The following NCAM2 variants were observed in gnomAD, a reference collection of about 807,000 sequenced individuals.
The protein encoded by NCAM2 is N-CAM-2.
Under a neutral mutation model 98.1 loss-of-function variants are expected in NCAM2, and 30 were observed. The observed-to-expected ratio is 0.31, with a 90% CI of 0.23 to 0.41. NCAM2 has a LOEUF of 0.41. Among genes scored for constraint, NCAM2 ranks in the 10% least tolerant of loss-of-function variants. The pLI is 1.00. For missense variants in NCAM2, 867 were observed against 1,005.8 expected (o/e 0.86, Z 1.87); for synonymous variants, 368 against 342.4 (o/e 1.07, Z -0.83).
intron 3 of NCAM2, among the ~76,000 whole-genome samples, chr21:21,286,051 AC>A (rs1374694675): frequency 6.6e-6 from 1 of 151,884 alleles, no homozygotes; most frequent in Admixed American, 6.6e-5. Flanking sequence ...TTTATACAGA[AC>A]CTCATATGGC....
intron 9 of NCAM2, among the ~76,000 whole-genome samples, chr21:21,390,893 A>G (rs1039060051): frequency 6.6e-6 from 1 of 152,234 alleles, no homozygotes; most frequent in African/African-American, 2.4e-5. Context: ...TTGTGAAAAT[A>G]TGCACACCTA....
chr21:21,193,621 G>A (rs1197170629), intron 1 of NCAM2, among the ~76,000 whole-genome samples: 7 of 149,038 alleles, frequency 4.7e-5, no homozygotes, highest in Non-Finnish European at 7.4e-5. Flanking sequence ...TCAGCCTCCC[G>A]AGTAGCTGGG....
intron 1 of NCAM2, among the ~76,000 whole-genome samples, chr21:21,204,027 G>A (rs757916829): frequency 1.3e-5 from 2 of 152,074 alleles, no homozygotes; most frequent in Non-Finnish European, 2.9e-5. Context: ...AGTTAACACT[G>A]GAAGTTACTC....
At chr21:21,476,431 T>C (rs1340662188) in intron 14 of NCAM2, among the ~76,000 whole-genome samples, 1 of 152,022 alleles carries the variant, frequency 6.6e-6, no homozygotes, top group Non-Finnish European at 1.5e-5. Flanking sequence ...AAGCAGCTGC[T>C]ACCATCACTT....
At chr21:21,083,093 T>G (rs1377596240) in intron 1 of NCAM2, among the ~76,000 whole-genome samples, 1 of 152,180 alleles carries the variant, frequency 6.6e-6, no homozygotes, top group Non-Finnish European at 1.5e-5. Context: ...GTAAGGAAGC[T>G]CTATTATAAT....
intron 8 of NCAM2, among the ~76,000 whole-genome samples, chr21:21,364,996 T>C (rs2075749206): frequency 6.6e-6 from 1 of 152,056 alleles, no homozygotes; most frequent in South Asian, 2.1e-4. Context: ...CCATTATTGC[T>C]CAAGCCTACT....
intron 8 of NCAM2, among the ~76,000 whole-genome samples, chr21:21,350,109 G>A (rs2075294988): frequency 6.6e-6 from 1 of 151,988 alleles, no homozygotes; most frequent in Non-Finnish European, 1.5e-5. Context: ...TTGAGGGAAT[G>A]AATACCCCAT....
intron 1 of NCAM2, among the ~76,000 whole-genome samples, chr21:21,055,552 C>G (rs1370028679): frequency 6.6e-6 from 1 of 152,022 alleles, no homozygotes; most frequent in Non-Finnish European, 1.5e-5. Context: ...TCTTCTCAAT[C>G]TAACTTCTTA....
intron 1 of NCAM2, among the ~76,000 whole-genome samples, chr21:21,156,569 A>G (rs12106476): frequency 0.055 from 7,875 of 143,728 alleles, 666 homozygotes; most frequent in African/African-American, 0.19. Context: ...TCAAGTGTAA[A>G]TAGATAGATT....
At chr21:21,045,201 T>A (rs917340881) in intron 1 of NCAM2, among the ~76,000 whole-genome samples, 1 of 152,108 alleles carries the variant, frequency 6.6e-6, no homozygotes, top group Non-Finnish European at 1.5e-5. Context: ...GTGGAGAAAT[T>A]CAAGCCCACT....
intron 13 of NCAM2, among the ~76,000 whole-genome samples, chr21:21,467,008 T>C (rs970518880): frequency 6.6e-6 from 1 of 152,050 alleles, no homozygotes; most frequent in Non-Finnish European, 1.5e-5. Context: ...TATGGTCTGA[T>C]TAATTGGATT....
chr21:21,176,292 G>A (rs1261999190), intron 1 of NCAM2, among the ~76,000 whole-genome samples: 1 of 152,058 alleles, frequency 6.6e-6, no homozygotes, highest in African/African-American at 2.4e-5. Flanking sequence ...CATTTCCAAT[G>A]TATTGGACCA....
At chr21:21,387,310 TC>T (rs1446518968) in intron 9 of NCAM2, among the ~76,000 whole-genome samples, 1 of 151,840 alleles carries the variant, frequency 6.6e-6, no homozygotes, top group Non-Finnish European at 1.5e-5. Flanking sequence ...ACCTAATTGC[TC>T]CCCAAAGGCC....
chr21:21,536,859 G>A (rs1437385606), intron 17 of NCAM2, among the ~76,000 whole-genome samples: 1 of 152,108 alleles, frequency 6.6e-6, no homozygotes, highest in African/African-American at 2.4e-5. Flanking sequence ...TTATGACGCT[G>A]TCTTGATATT....
chr21:21,283,080 T>C (rs1165032172), intron 2 of NCAM2, among the ~76,000 whole-genome samples: 2 of 151,924 alleles, frequency 1.3e-5, no homozygotes, highest in African/African-American at 2.4e-5. Context: ...TTCAAATGCA[T>C]TACTCTGTAA....
At position 21,082,284 on chromosome 21, in the gene NCAM2, A is replaced by AC. The variant is rs200528084; in HGVS notation, c.55+83666_55+83667insC. On this transcript the variant is annotated intron_variant, in intron 1 of 17. Transcript: ENST00000400546. Reference sequence around the variant, plus strand: ...TTGTACCTATCAGAGCTCAAAACAAAAAAAAAAAAACAAAACAAAAACACC... The same window carrying AC: ...TTGTACCTATCAGAGCTCAAAACAAACAAAAAAAAAACAAAACAAAAACACC... 1.2e-3 allele frequency among the ~76,000 whole-genome samples: 175 copies of AC among 145,270 alleles called. 1 individual carries two copies. Among genetic ancestry groups the AC allele is most frequent in the Non-Finnish European group, 1.8e-3 (124 of 67,224 alleles).
intron 1 of NCAM2, among the ~76,000 whole-genome samples, chr21:21,039,459 A>T (rs2064860868): frequency 6.6e-6 from 1 of 152,212 alleles, no homozygotes; most frequent in Non-Finnish European, 1.5e-5. Flanking sequence ...AATGTTCCCA[A>T]CACATAAAAA....
intron 1 of NCAM2, among the ~76,000 whole-genome samples, chr21:21,143,568 G>T (rs2067211679): frequency 6.6e-6 from 1 of 152,054 alleles, no homozygotes; most frequent in Non-Finnish European, 1.5e-5. Context: ...TCACATTTCA[G>T]TCTGGTCCTT....
At chr21:21,005,455 CTTG>C (rs2064094136) in intron 1 of NCAM2, among the ~76,000 whole-genome samples, 1 of 151,908 alleles carries the variant, frequency 6.6e-6, no homozygotes, top group Non-Finnish European at 1.5e-5. Context: ...TAATTTTTAA[CTTG>C]TTATTTTTAA....
Sources: allele counts gnomAD v4.1 joint callset (sites outside exome capture counted in the v4.1 genomes callset), GRCh38; gene constraint gnomAD v4.1.1; transcripts MANE v1.5; gene names NCBI Gene and HGNC (gene_info 2026-07-23, HGNC 2026-07-21).